The following CNBD1 variants were observed in gnomAD, a reference collection of about 807,000 sequenced individuals.
CNBD1 encodes the protein cyclic nucleotide-binding domain-containing protein 1.
In CNBD1, 71 loss-of-function variants were observed where a neutral mutation model predicts 54.4. The ratio of observed to expected loss-of-function variants is 1.30; its 90% confidence interval spans 1.08 to 1.59. The LOEUF (loss-of-function observed/expected upper bound fraction) is 1.59. Ranked by LOEUF, CNBD1 falls within the 40% of genes most tolerant of loss-of-function variation. CNBD1 has a pLI of 0.00. For missense variants in CNBD1, 659 were observed against 518.0 expected (o/e 1.27, Z -2.64); for synonymous variants, 182 against 170.7 (o/e 1.07, Z -0.51).
intron 4 of CNBD1, among the ~76,000 whole-genome samples, chr8:87,130,151 G>T (rs549894138): frequency 2.0e-5 from 3 of 152,070 alleles, no homozygotes; most frequent in African/African-American, 4.8e-5. Context: ...ATGAGATTTG[G>T]TGGGGACACA....
At chr8:87,397,853 T>C (rs190833943) in intron 2 of CNBD1, among the ~76,000 whole-genome samples, 1 of 152,122 alleles carries the variant, frequency 6.6e-6, no homozygotes, top group Non-Finnish European at 1.5e-5. Flanking sequence ...GTTCTCATGA[T>C]AGTGAATGGG....
intron 8 of CNBD1, among the ~76,000 whole-genome samples, chr8:87,304,867 A>T (rs1226505169): frequency 3.9e-5 from 6 of 152,014 alleles, no homozygotes; most frequent in South Asian, 4.2e-4. Flanking sequence ...AAGGATGCCC[A>T]CTCCCACCAC....
chr8:87,366,853 A>G (rs979921227), intron 10 of CNBD1, among the ~76,000 whole-genome samples: 1 of 152,060 alleles, frequency 6.6e-6, no homozygotes, highest in Non-Finnish European at 1.5e-5. Context: ...AAATGTTCTT[A>G]ATTGTTACTG....
intron 2 of CNBD1, among the ~76,000 whole-genome samples, chr8:87,393,526 A>G (rs1384830985): frequency 1.3e-5 from 2 of 151,924 alleles, no homozygotes; most frequent in African/African-American, 2.4e-5. Context: ...GGGAATTGCA[A>G]AAGAACTATA....
chr8:87,397,160 A>G (rs1206086406), intron 2 of CNBD1, among the ~76,000 whole-genome samples: 3 of 151,336 alleles, frequency 2.0e-5, no homozygotes, highest in East Asian at 3.9e-4. Flanking sequence ...TTTATTTTGC[A>G]TATATTTTGG....
chr8:87,382,361 G>A (rs114496689), intron 10 of CNBD1, among the ~76,000 whole-genome samples: 2,872 of 151,964 alleles, frequency 0.019, 93 homozygotes, highest in African/African-American at 0.062. Context: ...ACATAATTTG[G>A]TTAGAAGAGA....
chr8:87,063,852 A>G (rs1366766038), intron 4 of CNBD1, among the ~76,000 whole-genome samples: 1 of 151,914 alleles, frequency 6.6e-6, no homozygotes, highest in Non-Finnish European at 1.5e-5. Context: ...GCAGTTTTAT[A>G]TTTTGATGCT....
chr8:87,280,985 T>TTGA (rs1808588414), intron 6 of CNBD1, among the ~76,000 whole-genome samples: 1 of 151,102 alleles, frequency 6.6e-6, no homozygotes, highest in Non-Finnish European at 1.5e-5. Context: ...TCAAAAAAAT[T>TTGA]GAGAGACTGA....
chr8:87,381,385 T>C (rs1405226434), intron 10 of CNBD1, among the ~76,000 whole-genome samples: 1 of 151,964 alleles, frequency 6.6e-6, no homozygotes, highest in Non-Finnish European at 1.5e-5. Context: ...AAGAGAAGTG[T>C]TGACAGGGAT....
intron 10 of CNBD1, among the ~76,000 whole-genome samples, chr8:87,372,249 G>A (rs1324795384): frequency 2.6e-5 from 4 of 151,918 alleles, no homozygotes; most frequent in African/African-American, 9.7e-5. Context: ...TTGCTTCAAA[G>A]AGAAAAAAAT....
At chr8:87,330,705 T>C (rs1344434891) in intron 8 of CNBD1, among the ~76,000 whole-genome samples, 1 of 152,180 alleles carries the variant, frequency 6.6e-6, no homozygotes, top group East Asian at 1.9e-4. Context: ...TGGGCTGAAA[T>C]GTGGTGTATC....
At chr8:87,020,230 T>C (rs2130575260) in intron 4 of CNBD1, among the ~76,000 whole-genome samples, 1 of 152,142 alleles carries the variant, frequency 6.6e-6, no homozygotes, top group Non-Finnish European at 1.5e-5. Flanking sequence ...ATTTTTTTTT[T>C]AAACAAACCC....
Position 86,920,010 on chromosome 8 carries a change from GA to G in CNBD1, c.272+14826del, listed in dbSNP as rs144571030. ...TATGTTTCTTTTTCTTTCAGAATGT[GA>G]AAAAAAAAAGTCACCAAACTGTAAC... On this transcript the variant is annotated intron_variant, in intron 3 of 10. Coordinates refer to ENST00000518476, the MANE Select transcript of CNBD1 (RefSeq NM_173538.3). 1.5e-4 allele frequency among the ~76,000 whole-genome samples: 22 copies of G among 147,142 alleles called. No homozygotes were observed. In the East Asian group the frequency reaches 1.8e-3, roughly 12 times the overall value.
chr8:86,878,518 G>C (rs905378653), intron 1 of CNBD1, among the ~76,000 whole-genome samples: 1 of 151,710 alleles, frequency 6.6e-6, no homozygotes, highest in African/African-American at 2.4e-5. Flanking sequence ...ACTGAGATCA[G>C]CTGCTTCTAT....
chr8:87,155,969 A>G (rs1272302167), intron 4 of CNBD1, among the ~76,000 whole-genome samples: 2 of 152,068 alleles, frequency 1.3e-5, no homozygotes, highest in Non-Finnish European at 2.9e-5. Flanking sequence ...CACTATTATC[A>G]TCACTTTCCA....
intron 6 of CNBD1, among the ~76,000 whole-genome samples, chr8:87,276,688 A>G (rs1345500277): frequency 2.0e-5 from 3 of 151,858 alleles, no homozygotes; most frequent in Non-Finnish European, 4.4e-5. Context: ...TAACAGTTTG[A>G]AGGTTTTGAA....
chr8:87,229,232 T>C (rs1814604917), intron 5 of CNBD1, among the ~76,000 whole-genome samples: 1 of 152,166 alleles, frequency 6.6e-6, no homozygotes, highest in South Asian at 2.1e-4. Context: ...GGCTGGGAGC[T>C]GTAGACCGCA....
intron 10 of CNBD1, among the ~76,000 whole-genome samples, chr8:87,370,013 T>C (rs550871744): frequency 2.2e-4 from 33 of 152,202 alleles, no homozygotes; most frequent in Non-Finnish European, 4.1e-4. Context: ...TTACTGAGAA[T>C]GATGATTTCC....
At chr8:87,357,861 G>C (rs556708139) in intron 10 of CNBD1, among the ~76,000 whole-genome samples, 126 of 152,228 alleles carry the variant, frequency 8.3e-4, no homozygotes, top group Non-Finnish European at 1.3e-3. Flanking sequence ...GTTAGAGGTG[G>C]GGACTGGTGA....
Sources: gnomAD v4.1 joint callset for allele counts (sites outside exome capture counted in the v4.1 genomes callset) on GRCh38, gnomAD v4.1.1 for gene constraint, MANE v1.5 for transcripts, NCBI Gene and HGNC (gene_info 2026-07-23, HGNC 2026-07-21) for gene names.